The following WDR49 variants were observed in gnomAD, a reference collection of about 807,000 sequenced individuals.
The protein encoded by WDR49 is WD repeat domain 49.
WDR49 carries 107 observed loss-of-function variants against 119.5 expected under a neutral mutation model. The ratio of observed to expected loss-of-function variants is 0.90; its 90% CI spans 0.77 to 1.05. The LOEUF (loss-of-function observed/expected upper bound fraction) is 1.05, where lower values mean the gene tolerates loss of function less well. Ranked by LOEUF, WDR49 falls within the 50% of genes least tolerant of loss-of-function variation. The pLI is 0.00. For missense variants in WDR49, 1,240 were observed against 1,220.5 expected, an observed-to-expected ratio of 1.02 and a Z score of -0.24; for synonymous variants, 425 against 418.8, an observed-to-expected ratio of 1.01 and a Z score of -0.18.
intron 2 of WDR49, among the ~76,000 whole-genome samples, chr3:167,635,617 T>C (rs1717577779): frequency 6.6e-6 from 1 of 151,708 alleles, no homozygotes; most frequent in Non-Finnish European, 1.5e-5. Context: ...AGTTTAACAC[T>C]ACTGAGAGAG....
At chr3:167,563,803 G>A (rs1181118357) in intron 8 of WDR49, among the ~76,000 whole-genome samples, 2 of 152,230 alleles carry the variant, frequency 1.3e-5, no homozygotes, top group East Asian at 1.9e-4. Context: ...AGAAGTTGTT[G>A]TTAACTGTAG....
chr3:167,605,434 C>T (rs1418336118), intron 5 of WDR49, among the ~76,000 whole-genome samples: 3 of 151,954 alleles, frequency 2.0e-5, no homozygotes. Flanking sequence ...ATTCAATCCT[C>T]AAAGATTTAT....
rs778966147 is a variant in WDR49, at chr3:167,478,887, A to C, written c.3141T>G (p.Asn1047Lys). The C allele has an allele frequency of 6.2e-7, 1 of 1,602,226 alleles. No individual in the cohort carries two copies. The highest frequency in any genetic ancestry group is 8.5e-7 in the Non-Finnish European group (1 of 1,175,898). Reference protein sequence around the residue: ...CQEKSCEVKKNKK With the variant: ...CQEKSCEVKKKKK ...GGTTTTTCTGTTGTAATTACTTCTT[A>C]TTTTTCTTCACTTCACAACTTTTTT... The change falls in exon 19 of 19, where the codon AAT (asparagine) becomes AAG (lysine). Residue 1047 changes from asparagine to lysine, a missense_variant. By Grantham distance (94) the Asn-to-Lys change is moderately conservative (BLOSUM62 0). Coordinates refer to ENST00000682715, the MANE Select transcript of WDR49 (RefSeq NM_001366157.1).
intron 13 of WDR49, 114 bp from the exon 14 acceptor site, chr3:167,529,353 G>C: frequency 3.4e-6 from 3 of 881,236 alleles, no homozygotes; most frequent in Non-Finnish European, 5.1e-6. Context: ...GAGTAGCCCT[G>C]AGATCAATTC....
chr3:167,482,058 TA>T (rs1200317126), intron 18 of WDR49, among the ~76,000 whole-genome samples: 1 of 152,208 alleles, frequency 6.6e-6, no homozygotes, highest in African/African-American at 2.4e-5. Flanking sequence ...ATAATTGACT[TA>T]GAATACTCAA....
chr3:167,579,358 A>T (rs1258872190), intron 7 of WDR49, among the ~76,000 whole-genome samples: 1 of 152,162 alleles, frequency 6.6e-6, no homozygotes, highest in Non-Finnish European at 1.5e-5. Context: ...TCCCACAAAA[A>T]AGTCTGCCTC....
At chr3:167,628,732 A>G (rs1314778234) in intron 2 of WDR49, among the ~76,000 whole-genome samples, 1 of 152,170 alleles carries the variant, frequency 6.6e-6, no homozygotes, top group African/African-American at 2.4e-5. Context: ...TCTAGCTAAG[A>G]TAACTGATGA....
intron 18 of WDR49, among the ~76,000 whole-genome samples, chr3:167,496,274 G>T (rs909663942): frequency 6.6e-6 from 1 of 151,902 alleles, no homozygotes; most frequent in East Asian, 1.9e-4. Context: ...AATAAATGCC[G>T]AGTCCTTAGC....
Position 167,636,140 on chromosome 3 carries a change from C to G in WDR49, c.166-8848G>C, listed in dbSNP as rs1717607874. ...TTCCCACTATTTTTCCCTGAGTCCC[C>G]AAAGTTCATTGTATCATTCTTACGC... On this transcript the variant is annotated intron_variant, in intron 2 of 18. Transcript: ENST00000682715. Among the ~76,000 whole-genome samples, 4 of 151,622 alleles carry G rather than the reference C, an allele frequency of 2.6e-5. No individual in the cohort carries two copies. The South Asian group carries it at 8.3e-4, about 32-fold the overall frequency.
At chr3:167,642,815 CA>C (rs1717944328) in intron 2 of WDR49, among the ~76,000 whole-genome samples, 1 of 151,888 alleles carries the variant, frequency 6.6e-6, no homozygotes, top group East Asian at 1.9e-4. Flanking sequence ...TAAAAGGATA[CA>C]AGGGCTGGCT....
chr3:167,611,604 C>A (rs1214649287), intron 5 of WDR49, among the ~76,000 whole-genome samples: 1 of 151,950 alleles, frequency 6.6e-6, no homozygotes, highest in Non-Finnish European at 1.5e-5. Context: ...TATAAAGGCA[C>A]ATATAGACTG....
intron 18 of WDR49, among the ~76,000 whole-genome samples, chr3:167,496,997 T>C (rs1298552380): frequency 6.6e-6 from 1 of 152,176 alleles, no homozygotes; most frequent in Non-Finnish European, 1.5e-5. Context: ...TTTTGACTTC[T>C]GCTCCTTCCT....
At position 167,616,589 on chromosome 3, in the gene WDR49, G is replaced by A. The variant is rs1358946618; in HGVS notation, c.958+3840C>T. 2.0e-5 allele frequency among the ~76,000 whole-genome samples: 3 copies of A among 151,806 alleles called. No individual in the cohort carries two copies. In the East Asian group the frequency reaches 5.8e-4, roughly 29 times the overall value. On this transcript the variant is annotated intron_variant, in intron 5 of 18. Transcript: ENST00000682715. ...TGAGGCAGCTAGAAAATGTGGGACA[G>A]AATTCTGGAAAGGCAAATAATTAGA...
At chr3:167,624,364 A>G (rs918096502) in intron 3 of WDR49, among the ~76,000 whole-genome samples, 1 of 151,784 alleles carries the variant, frequency 6.6e-6, no homozygotes, top group Non-Finnish European at 1.5e-5. Context: ...AAAGAAAAGA[A>G]AAAAAGGAGT....
At chr3:167,642,541 T>C (rs1717930458) in intron 2 of WDR49, among the ~76,000 whole-genome samples, 2 of 151,986 alleles carry the variant, frequency 1.3e-5, no homozygotes, top group Non-Finnish European at 2.9e-5. Flanking sequence ...AGTTCATTAG[T>C]TTTAAAAATA....
chr3:167,537,925 A>G (rs1157797349), intron 10 of WDR49, among the ~76,000 whole-genome samples: 1 of 152,084 alleles, frequency 6.6e-6, no homozygotes, highest in Non-Finnish European at 1.5e-5. Context: ...TAGTTGTCCT[A>G]CCAGTGTTAC....
At chr3:167,496,811 G>T (rs1441503370) in intron 18 of WDR49, among the ~76,000 whole-genome samples, 1 of 152,132 alleles carries the variant, frequency 6.6e-6, no homozygotes, top group East Asian at 1.9e-4. Context: ...ATATCACAGA[G>T]TGTATATACA....
chr3:167,640,988 C>T (rs923888590), intron 2 of WDR49, among the ~76,000 whole-genome samples: 5 of 151,852 alleles, frequency 3.3e-5, no homozygotes, highest in Non-Finnish European at 7.4e-5. Flanking sequence ...TGCATCTACT[C>T]GACTTGTAAA....
At position 167,478,863 on chromosome 3, in the gene WDR49, G is replaced by A. The variant is rs375411249; in HGVS notation, c.*15C>T. 6.5e-6 allele frequency: 10 copies of A among 1,541,840 alleles called. No homozygotes were observed. The African/African-American group carries it at 9.6e-5, about 15-fold the overall frequency. On this transcript the variant is annotated 3_prime_UTR_variant, in exon 19 of 19. Coordinates refer to ENST00000682715, the MANE Select transcript of WDR49 (RefSeq NM_001366157.1). ...ATCTGTACCTTATGTAACAGTGAAGGTTTTTCTGTTGTAATTACTTCTTAT... is the reference window on the plus strand; with the variant it reads ...ATCTGTACCTTATGTAACAGTGAAGATTTTTCTGTTGTAATTACTTCTTAT...
Sources: gnomAD v4.1 joint callset for allele counts (sites outside exome capture counted in the v4.1 genomes callset) on GRCh38, gnomAD v4.1.1 for gene constraint, MANE v1.5 for transcripts, NCBI Gene and HGNC (gene_info 2026-07-23, HGNC 2026-07-21) for gene names.